The following TANC1 variants were observed in gnomAD, a reference collection of about 807,000 sequenced individuals.
The protein encoded by TANC1 is tetratricopeptide repeat, ankyrin repeat and coiled-coil containing 1.
In TANC1, 77 loss-of-function variants were observed where a neutral mutation model predicts 149.7. That is an observed-to-expected ratio of 0.51 (90% CI 0.43 to 0.62). The LOEUF (loss-of-function observed/expected upper bound fraction) is 0.62. Among genes scored for constraint, TANC1 ranks in the 20% least tolerant of loss-of-function variants. TANC1 has a pLI of 0.00. For synonymous variants in TANC1, 854 were observed against 925.0 expected, an observed-to-expected ratio of 0.92 and a Z score of 1.39; for missense variants, 1,985 against 2,321.8, an observed-to-expected ratio of 0.85 and a Z score of 2.98.
intron 4 of TANC1, among the ~76,000 whole-genome samples, chr2:159,109,603 A>C (rs1023396351): frequency 1.3e-5 from 2 of 152,220 alleles, no homozygotes; most frequent in Non-Finnish European, 2.9e-5. Context: ...AAAATATTAC[A>C]TGAGAAATTC....
intron 19 of TANC1, among the ~76,000 whole-genome samples, chr2:159,200,181 C>A (rs911974164): frequency 2.0e-5 from 3 of 152,158 alleles, no homozygotes; most frequent in African/African-American, 7.2e-5. Context: ...ATGTGGTGGG[C>A]AGCAGTGTTG....
chr2:159,118,518 T>C (rs2048529899), intron 4 of TANC1, among the ~76,000 whole-genome samples: 1 of 152,326 alleles, frequency 6.6e-6, no homozygotes, highest in Non-Finnish European at 1.5e-5. Context: ...TGTTGCCTTG[T>C]TAACTAAGGG....
intron 4 of TANC1, among the ~76,000 whole-genome samples, chr2:159,106,741 C>A (rs2047222579): frequency 6.6e-6 from 1 of 152,168 alleles, no homozygotes; most frequent in Admixed American, 6.5e-5. Flanking sequence ...TAAGTTGCCG[C>A]CAAATTATTT....
At chr2:159,129,021 A>G (rs181913415) in intron 4 of TANC1, among the ~76,000 whole-genome samples, 144 of 152,322 alleles carry the variant, frequency 9.5e-4, no homozygotes, top group Non-Finnish European at 1.9e-3. Context: ...GATCAGATAA[A>G]ATTGGCAGGA....
intron 14 of TANC1, among the ~76,000 whole-genome samples, chr2:159,184,443 G>T (rs909982565): frequency 6.6e-6 from 1 of 152,108 alleles, no homozygotes. Context: ...CTTTAGGCCC[G>T]GCCACCAAGG....
chr2:159,032,149 T>C (rs1043939054), intron 2 of TANC1, among the ~76,000 whole-genome samples: 1 of 152,212 alleles, frequency 6.6e-6, no homozygotes, highest in Non-Finnish European at 1.5e-5. Context: ...GCATAGTCCA[T>C]CTGCTCAAAG....
intron 2 of TANC1, among the ~76,000 whole-genome samples, chr2:159,026,633 T>C (rs896427080): frequency 2.6e-5 from 4 of 152,194 alleles, no homozygotes; most frequent in African/African-American, 9.7e-5. Flanking sequence ...GGACTCTCTA[T>C]AGAGTCCTAA....
At chr2:159,135,599 T>G (rs2050583854) in intron 4 of TANC1, among the ~76,000 whole-genome samples, 1 of 152,242 alleles carries the variant, frequency 6.6e-6, no homozygotes, top group Non-Finnish European at 1.5e-5. Flanking sequence ...AGCCTGTTGG[T>G]CTCTCCTATG....
chr2:159,114,164 C>T (rs1412983817), intron 4 of TANC1, among the ~76,000 whole-genome samples: 1 of 152,106 alleles, frequency 6.6e-6, no homozygotes, highest in East Asian at 1.9e-4. Flanking sequence ...AAAAGCAGTT[C>T]ACAAGACAAC....
intron 3 of TANC1, among the ~76,000 whole-genome samples, chr2:159,071,073 G>A (rs1418966484): frequency 1.3e-5 from 2 of 152,156 alleles, no homozygotes; most frequent in Admixed American, 6.5e-5. Context: ...GCTCTCTAGA[G>A]AAGGCTGGTC....
intron 7 of TANC1, among the ~76,000 whole-genome samples, chr2:159,160,216 A>G (rs1366027386): frequency 6.6e-6 from 1 of 152,192 alleles, no homozygotes; most frequent in Non-Finnish European, 1.5e-5. Flanking sequence ...AGCAAGCTGT[A>G]ATTGACAAAA....
chr2:159,043,234 C>A (rs762697055), intron 2 of TANC1, among the ~76,000 whole-genome samples: 2 of 152,118 alleles, frequency 1.3e-5, no homozygotes, highest in Non-Finnish European at 1.5e-5. Context: ...CTGTGCCTCT[C>A]GTCTCATAGG....
At chr2:159,226,722 C>A (rs923934505) in intron 24 of TANC1, 1 of 152,150 alleles carries the variant, frequency 6.6e-6, no homozygotes, top group Non-Finnish European at 1.5e-5. Context: ...GGTCAGCAAA[C>A]TTTTTTTGTA....
chr2:159,221,020 G>C (rs2059675305), intron 22 of TANC1, among the ~76,000 whole-genome samples: 1 of 152,192 alleles, frequency 6.6e-6, no homozygotes, highest in Admixed American at 6.5e-5. Context: ...TTTTTGGTGA[G>C]AGCATTTGAG....
chr2:159,228,677 C>G, intron 25 of TANC1, 119 bp from the exon 26 acceptor site: 1 of 699,298 alleles, frequency 1.4e-6, no homozygotes, highest in Non-Finnish European at 2.5e-6. Context: ...GGAACTTTCC[C>G]TTCCTCCCTC....
intron 26 of TANC1, among the ~76,000 whole-genome samples, chr2:159,229,154 A>G (rs1481450049): frequency 6.6e-6 from 1 of 152,058 alleles, no homozygotes; most frequent in Non-Finnish European, 1.5e-5. Flanking sequence ...TTACTGCAAC[A>G]TGAACTTCCT....
At chr2:159,098,438 C>A (rs1469567636) in intron 4 of TANC1, among the ~76,000 whole-genome samples, 1 of 152,190 alleles carries the variant, frequency 6.6e-6, no homozygotes, top group Non-Finnish European at 1.5e-5. Context: ...ACGCCTGTCT[C>A]AGAATGTATC....
At chr2:159,224,490 G>A (rs1490548367) in intron 23 of TANC1, 126 bp downstream of exon 23, 2 of 1,068,532 alleles carry the variant, frequency 1.9e-6, no homozygotes, top group East Asian at 2.5e-5. Flanking sequence ...GCAGATCTCT[G>A]TCTCAGTCTC....
At chr2:159,196,985 A>T (rs890817277) in intron 18 of TANC1, among the ~76,000 whole-genome samples, 192 bp downstream of exon 18, 10 of 152,208 alleles carry the variant, frequency 6.6e-5, no homozygotes, top group Non-Finnish European at 1.2e-4. Flanking sequence ...TGCACACGTG[A>T]TGGGGACAGG....
Sources: gnomAD v4.1 joint callset for allele counts (sites outside exome capture counted in the v4.1 genomes callset) on GRCh38, gnomAD v4.1.1 for gene constraint, MANE v1.5 for transcripts, NCBI Gene and HGNC (gene_info 2026-07-23, HGNC 2026-07-21) for gene names.